EPB41L5: variants seen among roughly 807,000 people sequenced by gnomAD.
EPB41L5 encodes band 4.1-like protein 5.
EPB41L5 carries 55 observed loss-of-function variants against 106.6 expected under a neutral mutation model. The ratio of observed to expected loss-of-function variants is 0.52; its 90% CI spans 0.42 to 0.65. EPB41L5 has a LOEUF of 0.65. Ranked by LOEUF, EPB41L5 falls within the 30% of genes least tolerant of loss-of-function variation. The pLI is 0.00. For missense variants in EPB41L5, 871 were observed against 882.1 expected, an observed-to-expected ratio of 0.99 and a Z score of 0.16; for synonymous variants, 297 against 306.7, an observed-to-expected ratio of 0.97 and a Z score of 0.33.
chr2:120,158,273 C>T (rs1187517267), intron 20 of EPB41L5, among the ~76,000 whole-genome samples: 3 of 152,170 alleles, frequency 2.0e-5, no homozygotes, highest in Non-Finnish European at 2.9e-5. Context: ...CTGATACGAA[C>T]ACCTGGCAAT....
rs151169393 is a variant in EPB41L5 at position 120,055,557 on chromosome 2, C to T, written c.285+13447C>T. ...AGGCTGGAGTGCAGTGGTGTGATCT[C>T]GGCTCACTGGAACCTCTGCCTCCCG... On this transcript the variant is annotated intron_variant, in intron 3 of 24. Transcript: ENST00000263713. Among the ~76,000 whole-genome samples the T allele has an allele frequency of 4.2e-3, 535 of 126,680 alleles. 8 individuals are homozygous for T. The highest frequency in any genetic ancestry group is 0.029 in the East Asian group (124 of 4,204). 83.1% of individuals were successfully genotyped at this position (126,680 alleles called of 152,430 possible).
At chr2:120,090,288 T>TAGG in intron 11 of EPB41L5, 59 bp from the exon 12 acceptor site, 1 of 1,371,168 alleles carries the variant, frequency 7.3e-7, no homozygotes, top group Non-Finnish European at 9.9e-7. Context: ...ATCTCAGAAA[T>TAGG]AGGAGATAGG....
chr2:120,067,574 T>A (rs1041484620), intron 3 of EPB41L5, among the ~76,000 whole-genome samples: 1 of 152,220 alleles, frequency 6.6e-6, no homozygotes, highest in African/African-American at 2.4e-5. Context: ...GAATAGGTTT[T>A]TAGGTCTATT....
intron 3 of EPB41L5, among the ~76,000 whole-genome samples, chr2:120,068,478 A>G (rs1463646778): frequency 2.0e-5 from 3 of 152,184 alleles, no homozygotes; most frequent in African/African-American, 7.2e-5. Context: ...TGCTGCCAGC[A>G]CAGCAGTCTG....
rs752246834 is a variant in EPB41L5 at position 120,164,874 on chromosome 2, A to T, written c.1926A>T (p.Leu642=). Residue 642 remains leucine, a synonymous_variant, in exon 22 of 25, where the codon CTA becomes CTT. Transcript: ENST00000263713. ...AATTGGATGCCTTGCTTGCATCTCT[A>T]ACTGAGAATCTAATTGATCACACAG... The part of the protein sequence containing the change: ...TDELDALLAS[L]TENLIDHTVA... 6.2e-7 allele frequency: 1 copy of T among 1,612,096 alleles called. No individual in the cohort carries two copies. Among genetic ancestry groups the T allele is most frequent in the Non-Finnish European group, 8.5e-7 (1 of 1,179,134 alleles).
At chr2:120,049,959 AAT>A (rs1480465931) in intron 3 of EPB41L5, among the ~76,000 whole-genome samples, 1 of 152,106 alleles carries the variant, frequency 6.6e-6, no homozygotes, top group Non-Finnish European at 1.5e-5. Context: ...CTGGGTTGAA[AAT>A]TCTTTTCTTT....
At chr2:120,088,372 G>C (rs900749634) in intron 11 of EPB41L5, among the ~76,000 whole-genome samples, 18 of 152,134 alleles carry the variant, frequency 1.2e-4, no homozygotes, top group African/African-American at 4.3e-4. Context: ...TTACAAGTGG[G>C]AGCTAAATGA....
intron 7 of EPB41L5, 113 bp downstream of exon 7, chr2:120,075,866 A>G (rs1682198016): frequency 1.2e-6 from 1 of 846,440 alleles, no homozygotes; most frequent in Non-Finnish European, 2.0e-6. Context: ...CTGTTTTTGT[A>G]TAAACTTGTA....
intron 10 of EPB41L5, among the ~76,000 whole-genome samples, chr2:120,085,585 G>A (rs185269915): frequency 6.6e-6 from 1 of 152,212 alleles, no homozygotes; most frequent in African/African-American, 2.4e-5. Flanking sequence ...CAGTCTGTCC[G>A]TTCTCAGATC....
chr2:120,142,346 A>C (rs188722012), intron 18 of EPB41L5, among the ~76,000 whole-genome samples: 2 of 152,024 alleles, frequency 1.3e-5, no homozygotes, highest in Non-Finnish European at 2.9e-5. Flanking sequence ...TTAATTTCCT[A>C]AGGCAATCCA....
intron 16 of EPB41L5, chr2:120,101,708 A>G (rs1486812268): frequency 1.3e-5 from 2 of 152,158 alleles, no homozygotes; most frequent in African/African-American, 2.4e-5. Flanking sequence ...GATTGTTTTC[A>G]GTCTTTGCTA....
chr2:120,097,719 G>C (rs1251798629), intron 14 of EPB41L5, among the ~76,000 whole-genome samples: 1 of 152,172 alleles, frequency 6.6e-6, no homozygotes, highest in Non-Finnish European at 1.5e-5. Flanking sequence ...AAAATGGTCA[G>C]TTATTGTATG....
At chr2:120,070,928 A>G (rs571730575) in intron 3 of EPB41L5, among the ~76,000 whole-genome samples, 2 of 152,348 alleles carry the variant, frequency 1.3e-5, no homozygotes, top group South Asian at 4.1e-4. Context: ...ATACTGGCAC[A>G]AAACAAGGAT....
At position 120,061,038 on chromosome 2, in the gene EPB41L5, T is replaced by G. The variant is rs978579426; in HGVS notation, c.286-12140T>G. On this transcript the variant is annotated intron_variant, in intron 3 of 24. Transcript: ENST00000263713. ...TTTAACTGGTTCAGGGAAGTTTTTT[T>G]TTTTTTTTTTTTTTTTTTTTGAGAA... 3.3e-3 allele frequency among the ~76,000 whole-genome samples: 357 copies of G among 107,050 alleles called. 1 individual carries two copies. The highest frequency in any genetic ancestry group is 0.01 in the African/African-American group (296 of 29,490). The allele number at this position is 107,050 out of a possible 152,430, so 70.2% of individuals were successfully genotyped here. A position where few individuals can be genotyped will look rare whatever the true frequency, so the allele number is the denominator to read the frequency against.
At chr2:120,083,425 CT>C (rs1432035814) in intron 10 of EPB41L5, among the ~76,000 whole-genome samples, 1 of 151,966 alleles carries the variant, frequency 6.6e-6, no homozygotes, top group African/African-American at 2.4e-5. Flanking sequence ...TTGAGTGTTT[CT>C]TAATCCTGAG....
intron 18 of EPB41L5, among the ~76,000 whole-genome samples, chr2:120,133,938 A>G (rs1685813170): frequency 6.6e-6 from 1 of 152,076 alleles, no homozygotes; most frequent in Non-Finnish European, 1.5e-5. Flanking sequence ...ACAAAGCACC[A>G]AGCAGAGTCC....
chr2:120,160,001 T>G (rs530076566), intron 20 of EPB41L5, among the ~76,000 whole-genome samples: 1 of 152,210 alleles, frequency 6.6e-6, no homozygotes, highest in South Asian at 2.1e-4. Context: ...CTGCGTAAAG[T>G]GGGAGCTAAA....
At chr2:120,021,464 G>A (rs1386750620) in intron 2 of EPB41L5, among the ~76,000 whole-genome samples, 1 of 151,956 alleles carries the variant, frequency 6.6e-6, no homozygotes, top group Non-Finnish European at 1.5e-5. Context: ...CCAACATAGT[G>A]AAACCCCGTC....
chr2:120,104,463 AGT>A, intron 16 of EPB41L5: 1 of 1,292,506 alleles, frequency 7.7e-7, no homozygotes, highest in Non-Finnish European at 9.8e-7. Flanking sequence ...TGTTGAAAAG[AGT>A]GTGTATACCA....
Sources: allele counts gnomAD v4.1 joint callset (sites outside exome capture counted in the v4.1 genomes callset), GRCh38; gene constraint gnomAD v4.1.1; transcripts MANE v1.5; gene names NCBI Gene and HGNC (gene_info 2026-07-23, HGNC 2026-07-21).